The following CDK12 variants were observed in gnomAD, a reference collection of about 807,000 sequenced individuals.
The protein encoded by CDK12 is cyclin-dependent kinase 12.
CDK12 carries 17 observed loss-of-function variants against 133.8 expected under a neutral mutation model. That is an observed-to-expected ratio of 0.13 (90% CI 0.09 to 0.19). The LOEUF (loss-of-function observed/expected upper bound fraction) is 0.19, where lower values mean the gene tolerates loss of function less well. Among genes scored for constraint, CDK12 ranks in the 10% least tolerant of loss-of-function variants. The pLI is 1.00. For synonymous variants in CDK12, 694 were observed against 683.6 expected (o/e 1.02, Z -0.24); for missense variants, 1,508 against 1,818.7 (o/e 0.83, Z 3.11).
rs192813156 is a variant in CDK12, at chr17:39,527,599, G to A, written c.3760+1283G>A. Among the ~76,000 whole-genome samples, 10 of 152,280 alleles carry A rather than the reference G, an allele frequency of 6.6e-5. No individual in the cohort carries two copies. The East Asian group carries it at 1.7e-3, about 26-fold the overall frequency. ...GTCTTACTCCATTGCCCAGGCTGGAGTGCAATGGCATGATCTTGGCTCACT... is the reference window on the plus strand; with the variant it reads ...GTCTTACTCCATTGCCCAGGCTGGAATGCAATGGCATGATCTTGGCTCACT... On this transcript the variant is annotated intron_variant, in intron 13 of 13. Transcript: ENST00000447079.
chr17:39,545,001 C>T (rs1301181614), upstream of CDK12, among the ~76,000 whole-genome samples: 1 of 152,040 alleles, frequency 6.6e-6, no homozygotes, highest in Non-Finnish European at 1.5e-5. Flanking sequence ...TTTATTTGAC[C>T]CTATATTCTG....
chr17:39,518,896 G>A (rs903123871), intron 10 of CDK12, among the ~76,000 whole-genome samples: 1 of 151,956 alleles, frequency 6.6e-6, no homozygotes, highest in Non-Finnish European at 1.5e-5. Flanking sequence ...TTATAGCACA[G>A]CATTTCTCGT....
intron 1 of CDK12, among the ~76,000 whole-genome samples, chr17:39,541,498 GGGACTACA>G (rs1304120560): frequency 3.3e-5 from 5 of 151,840 alleles, no homozygotes; most frequent in African/African-American, 1.2e-4. Flanking sequence ...CCAAGTAGCT[GGGACTACA>G]GGCACCCGCC....
At chr17:39,491,701 ATTT>A (rs766596742) in intron 3 of CDK12, among the ~76,000 whole-genome samples, 6 of 117,924 alleles carry the variant, frequency 5.1e-5, no homozygotes, top group Admixed American at 1.8e-4. Context: ...CTGTTTATGT[ATTT>A]TTTTTTTTTT....
chr17:39,530,581 T>G (rs1292046953), intron 13 of CDK12, 23 bp from the exon 14 acceptor site: 1 of 1,538,440 alleles, frequency 6.5e-7, no homozygotes, highest in Non-Finnish European at 8.7e-7. Flanking sequence ...AGATGGTGTT[T>G]AAAAGAAGTA....
At position 39,531,623 on chromosome 17, in the gene CDK12, C is replaced by G. The variant is rs986146062; in HGVS notation, c.*307C>G. On this transcript the variant is annotated 3_prime_UTR_variant, in exon 14 of 14. Transcript: ENST00000447079. ...AGTAAATGTTTTATTAGTTCATTGCCTGCACTTACTGATCGGAAGAGAGAA... is the reference window on the plus strand; with the variant it reads ...AGTAAATGTTTTATTAGTTCATTGCGTGCACTTACTGATCGGAAGAGAGAA... The G allele has an allele frequency of 1.0e-5, 3 of 299,054 alleles. No individual in the cohort carries two copies. Among genetic ancestry groups the G allele is most frequent in the Non-Finnish European group, 1.8e-5 (3 of 162,774 alleles). The allele number at this position is 299,054 out of a possible 1,614,324, so 18.5% of individuals were successfully genotyped here. A position where few individuals can be genotyped will look rare whatever the true frequency, so the allele number is the denominator to read the frequency against.
At chr17:39,552,788 G>C (rs1383173396) in intron 2 of CDK12, among the ~76,000 whole-genome samples, 4 of 152,116 alleles carry the variant, frequency 2.6e-5, no homozygotes, top group African/African-American at 9.7e-5. Context: ...GAGTGCAGTG[G>C]CGTGATCTCA....
intron 13 of CDK12, chr17:39,529,757 G>A (rs1463364228): frequency 6.6e-6 from 1 of 152,146 alleles, no homozygotes; most frequent in African/African-American, 2.4e-5. Flanking sequence ...TAAAGACAGA[G>A]TATAGTATGA....
chr17:39,549,465 T>G (rs2055863072), upstream of CDK12: 1 of 152,232 alleles, frequency 6.6e-6, no homozygotes, highest in African/African-American at 2.4e-5. Context: ...CATCTCTCTC[T>G]GCATATTTTA....
At chr17:39,517,031 ATC>A (rs2053857187) in intron 9 of CDK12, among the ~76,000 whole-genome samples, 1 of 152,058 alleles carries the variant, frequency 6.6e-6, no homozygotes, top group African/African-American at 2.4e-5. Flanking sequence ...ACTGTTGATT[ATC>A]TCTCAAAATT....
At chr17:39,545,125 A>G (rs2055622210), upstream of CDK12, among the ~76,000 whole-genome samples, 1 of 152,116 alleles carries the variant, frequency 6.6e-6, no homozygotes, top group Non-Finnish European at 1.5e-5. Flanking sequence ...GTTCCTCTAC[A>G]GTGGGTTGCT....
At chr17:39,518,802 G>C (rs769220116) in intron 10 of CDK12, among the ~76,000 whole-genome samples, 4 of 151,872 alleles carry the variant, frequency 2.6e-5, no homozygotes, top group Non-Finnish European at 5.9e-5. Flanking sequence ...CAAGTGATCT[G>C]CCCACCTCAG....
Position 39,462,205 on chromosome 17 carries a change from A to T in CDK12, c.134A>T (p.His45Leu), listed in dbSNP as rs770625855. The T allele has an allele frequency of 2.5e-6, 4 of 1,614,214 alleles. No homozygotes were observed. Among genetic ancestry groups the T allele is most frequent in the Non-Finnish European group, 2.5e-6 (3 of 1,180,032 alleles). Residue 45 changes from histidine to leucine, a missense_variant, in exon 1 of 14, where the codon CAT becomes CTT. His to Leu is a moderately conservative substitution (Grantham distance 99). Transcript: ENST00000447079. ...CGCTTGGTATCGAAGCACAAGCGGC[A>T]TAAGTCCAAACACTCCAAAGACATG... ...RHRLVSKHKR[H>L]KSKHSKDMGL...
At chr17:39,515,476 G>T (rs1331502006) in intron 8 of CDK12, among the ~76,000 whole-genome samples, 1 of 152,102 alleles carries the variant, frequency 6.6e-6, no homozygotes, top group African/African-American at 2.4e-5. Context: ...GATAGAAAAA[G>T]ACTCTTGACT....
intron 5 of CDK12, among the ~76,000 whole-genome samples, chr17:39,495,546 C>T (rs1372337025): frequency 5.3e-5 from 8 of 151,682 alleles, no homozygotes; most frequent in Non-Finnish European, 1.0e-4. Flanking sequence ...AATCCTGGCA[C>T]TTTGGGAGGC....
intron 5 of CDK12, among the ~76,000 whole-genome samples, chr17:39,499,741 T>C (rs1289643016): frequency 6.6e-6 from 1 of 151,820 alleles, no homozygotes; most frequent in Non-Finnish European, 1.5e-5. Context: ...CTCGAACTCC[T>C]GACCTCAGGC....
chr17:39,511,673 C>A, intron 8 of CDK12, 43 bp downstream of exon 8: 1 of 1,273,108 alleles, frequency 7.9e-7, no homozygotes, highest in Non-Finnish European at 1.1e-6. Context: ...AACTTACATA[C>A]TGTTGACTTG....
At chr17:39,537,697 G>A (rs1160104805), downstream of CDK12, among the ~76,000 whole-genome samples, 2 of 151,704 alleles carry the variant, frequency 1.3e-5, no homozygotes, top group Non-Finnish European at 2.9e-5. Flanking sequence ...CAAGTAGCTG[G>A]GATTACAGGT....
At chr17:39,549,011 T>C (rs187263589), upstream of CDK12, 4 of 152,376 alleles carry the variant, frequency 2.6e-5, no homozygotes, top group Admixed American at 2.0e-4. Context: ...GCAGTGCAGA[T>C]TAAAATCTCC....
Sources: allele counts gnomAD v4.1 joint callset (sites outside exome capture counted in the v4.1 genomes callset), GRCh38; gene constraint gnomAD v4.1.1; transcripts MANE v1.5; gene names NCBI Gene and HGNC (gene_info 2026-07-23, HGNC 2026-07-21).